The following NALCN variants were observed in gnomAD, a reference collection of about 807,000 sequenced individuals.
NALCN encodes sodium leak channel NALCN.
A neutral mutation model predicts 225.3 loss-of-function variants in NALCN; 111 were observed. The observed-to-expected ratio is 0.49, with a 90% CI of 0.42 to 0.58. The LOEUF (loss-of-function observed/expected upper bound fraction) is 0.58. NALCN is among the 20% of genes least tolerant of loss of function. NALCN has a pLI of 0.00. For synonymous variants in NALCN, 764 were observed against 769.0 expected, an observed-to-expected ratio of 0.99 and a Z score of 0.11; for missense variants, 1,378 against 2,202.4, an observed-to-expected ratio of 0.63 and a Z score of 7.49.
chr13:101,366,349 A>G (rs1406191464), intron 6 of NALCN, among the ~76,000 whole-genome samples: 1 of 152,172 alleles, frequency 6.6e-6, no homozygotes, highest in Non-Finnish European at 1.5e-5. Flanking sequence ...TTGCTTCTTT[A>G]TCTTGTTTGC....
chr13:101,234,011 C>T (rs971664099), intron 12 of NALCN, among the ~76,000 whole-genome samples: 1 of 152,182 alleles, frequency 6.6e-6, no homozygotes, highest in Non-Finnish European at 1.5e-5. Context: ...AATGCTTCCC[C>T]TCAGACCTCC....
chr13:101,159,754 T>C (rs930807011), intron 15 of NALCN, among the ~76,000 whole-genome samples: 2 of 152,156 alleles, frequency 1.3e-5, no homozygotes, highest in Middle Eastern at 3.4e-3. Flanking sequence ...AAGTGCCAGC[T>C]TGGATGACAT....
Position 101,054,189 on chromosome 13 carries a change from G to A in NALCN, c.*1106C>T, listed in dbSNP as rs372462242. ...ATCATTTTGCTTTTCTAATTTTCCC[G>A]GAGGACATGGGCCATTGACATATAA... On this transcript the variant is annotated 3_prime_UTR_variant, in exon 44 of 44. Transcript: ENST00000251127. The A allele has an allele frequency of 6.6e-5, 10 of 152,152 alleles. No individual in the cohort carries two copies. Among genetic ancestry groups the A allele is most frequent in the African/African-American group, 9.6e-5 (4 of 41,486 alleles). The allele number at this position is 152,152 out of a possible 1,614,324, so 9.4% of individuals were successfully genotyped here. A position where few individuals can be genotyped will look rare whatever the true frequency, so the allele number is the denominator to read the frequency against.
intron 26 of NALCN, among the ~76,000 whole-genome samples, chr13:101,102,844 C>A (rs771873104): frequency 4.6e-5 from 7 of 152,174 alleles, no homozygotes; most frequent in Admixed American, 6.5e-5. Flanking sequence ...AGTGTTGAAT[C>A]TTCTTATCCT....
At chr13:101,180,901 C>T in intron 14 of NALCN, 1 of 374,524 alleles carries the variant, frequency 2.7e-6, no homozygotes, top group South Asian at 2.0e-5. Flanking sequence ...AGTCTTATTT[C>T]TTCTCAGAAA....
intron 40 of NALCN, among the ~76,000 whole-genome samples, chr13:101,062,665 G>A (rs139738526): frequency 3.0e-4 from 46 of 152,078 alleles, no homozygotes; most frequent in Middle Eastern, 3.4e-3. Context: ...GTGTAATGGC[G>A]TGCTGTCAGC....
At chr13:101,254,890 C>CAAAAA (rs149258180) in intron 11 of NALCN, among the ~76,000 whole-genome samples, 39 of 38,260 alleles carry the variant, frequency 1.0e-3, no homozygotes, top group East Asian at 1.3e-3. Context: ...GACTCTGTCT[C>CAAAAA]AAAAAAAAAA....
chr13:101,141,162 A>C (rs2037058741), intron 17 of NALCN, among the ~76,000 whole-genome samples: 1 of 152,186 alleles, frequency 6.6e-6, no homozygotes, highest in East Asian at 1.9e-4. Flanking sequence ...CAGATGGAAG[A>C]GTAACAATTG....
intron 1 of NALCN, among the ~76,000 whole-genome samples, chr13:101,409,964 A>G (rs1223948786): frequency 6.6e-6 from 1 of 152,188 alleles, no homozygotes; most frequent in Non-Finnish European, 1.5e-5. Flanking sequence ...GAGGCCATGA[A>G]GGTGGAGACC....
chr13:101,071,262 G>A (rs1457133403), intron 37 of NALCN, among the ~76,000 whole-genome samples: 54 of 152,348 alleles, frequency 3.5e-4, no homozygotes, highest in Admixed American at 3.3e-3. Flanking sequence ...CCTAACAACA[G>A]AGTAAGTCTG....
chr13:101,318,426 A>G (rs925849356), intron 7 of NALCN, among the ~76,000 whole-genome samples: 5 of 152,184 alleles, frequency 3.3e-5, no homozygotes, highest in South Asian at 2.1e-4. Flanking sequence ...CTAAGCATGA[A>G]CATTATTAGA....
At chr13:101,068,622 G>T (rs2032612418) in intron 38 of NALCN, 73 bp downstream of exon 38, 2 of 1,375,054 alleles carry the variant, frequency 1.5e-6, no homozygotes, top group Non-Finnish European at 1.9e-6. Flanking sequence ...CAGGGTAATT[G>T]CTTGAAAATA....
intron 3 of NALCN, among the ~76,000 whole-genome samples, chr13:101,381,045 A>T (rs1197260139): frequency 1.3e-5 from 2 of 152,234 alleles, no homozygotes; most frequent in East Asian, 3.9e-4. Flanking sequence ...AGAGAAACCA[A>T]TGTTAATTCC....
chr13:101,277,452 T>C (rs2043004959), intron 10 of NALCN, among the ~76,000 whole-genome samples: 1 of 152,198 alleles, frequency 6.6e-6, no homozygotes, highest in South Asian at 2.1e-4. Flanking sequence ...ATAATCTTTG[T>C]GATCTAAAGT....
intron 15 of NALCN, among the ~76,000 whole-genome samples, chr13:101,164,664 T>C (rs573900000): frequency 6.6e-6 from 1 of 152,342 alleles, no homozygotes; most frequent in East Asian, 1.9e-4. Flanking sequence ...AACCTTGATC[T>C]AAACTGTTCT....
intron 14 of NALCN, among the ~76,000 whole-genome samples, chr13:101,177,432 T>TATATATATATATATATATA (rs2039007479): frequency 6.8e-6 from 1 of 147,360 alleles, no homozygotes; most frequent in South Asian, 2.1e-4. Flanking sequence ...TATATATATA[T>TATATATATATATATATATA]GGTAGAAGCT....
At position 101,175,242 on chromosome 13, in the gene NALCN, T is replaced by TG. The variant is rs569923284; in HGVS notation, c.1839+1057_1839+1058insC. The stretch of plus-strand genomic sequence containing the variant: ...AGTAGGAATCTTCATAACAATTTTT[T>TG]TTTGTTTGTTTGTTCTGTTTTTTTT... On this transcript the variant is annotated intron_variant, in intron 15 of 43. Coordinates refer to ENST00000251127, the MANE Select transcript of NALCN (RefSeq NM_052867.4). 2.9e-3 allele frequency among the ~76,000 whole-genome samples: 436 copies of TG among 151,702 alleles called. 2 individuals carry two copies. Among genetic ancestry groups the TG allele is most frequent in the African/African-American group, 9.3e-3 (385 of 41,434 alleles).
At chr13:101,101,320 C>T (rs1388492244) in intron 26 of NALCN, among the ~76,000 whole-genome samples, 6 of 124,708 alleles carry the variant, frequency 4.8e-5, no homozygotes. Context: ...CCACTCTGTC[C>T]CCCAGGGTGG....
intron 11 of NALCN, among the ~76,000 whole-genome samples, chr13:101,244,303 A>G (rs2041830040): frequency 6.6e-6 from 1 of 152,208 alleles, no homozygotes; most frequent in Non-Finnish European, 1.5e-5. Flanking sequence ...CTAACTGCAT[A>G]TATTATCAAA....
Sources: allele counts gnomAD v4.1 joint callset (sites outside exome capture counted in the v4.1 genomes callset), GRCh38; gene constraint gnomAD v4.1.1; transcripts MANE v1.5; gene names NCBI Gene and HGNC (gene_info 2026-07-23, HGNC 2026-07-21).